MYCBP2: variants seen among roughly 807,000 people sequenced by gnomAD.
MYCBP2 encodes the protein MYC binding protein 2.
MYCBP2 carries 120 observed loss-of-function variants against 525.3 expected under a neutral mutation model. The ratio of observed to expected loss-of-function variants is 0.23; its 90% CI spans 0.20 to 0.27. The LOEUF (loss-of-function observed/expected upper bound fraction) is 0.27. MYCBP2 is among the 10% of genes least tolerant of loss of function. The pLI, the probability that MYCBP2 is intolerant of heterozygous loss-of-function variation, is 1.00. For synonymous variants in MYCBP2, 1,894 were observed against 1,955.8 expected, an observed-to-expected ratio of 0.97 and a Z score of 0.83; for missense variants, 4,149 against 5,657.1, an observed-to-expected ratio of 0.73 and a Z score of 8.55.
intron 22 of MYCBP2, 70 bp from the exon 23 acceptor site, chr13:77,211,390 G>C: frequency 1.2e-6 from 1 of 800,518 alleles, no homozygotes; most frequent in Non-Finnish European, 1.6e-6. Context: ...AACCCATAAA[G>C]TAGTATTATC....
intron 52 of MYCBP2, chr13:77,129,080 G>T: frequency 5.1e-6 from 2 of 395,590 alleles, no homozygotes; most frequent in Non-Finnish European, 8.9e-6. Context: ...TTAAGCAAAG[G>T]TTTTAAAGAC....
intron 18 of MYCBP2, among the ~76,000 whole-genome samples, chr13:77,227,782 AG>A (rs1264384362): frequency 2.0e-5 from 3 of 152,216 alleles, no homozygotes; most frequent in Non-Finnish European, 4.4e-5. Flanking sequence ...GATTAAATAT[AG>A]GCATAAATCC....
chr13:77,307,363 G>A (rs1258047452), intron 1 of MYCBP2, among the ~76,000 whole-genome samples: 1 of 151,368 alleles, frequency 6.6e-6, no homozygotes, highest in East Asian at 1.9e-4. Context: ...ATTCAAAAGG[G>A]GAAAAAAGTT....
At position 77,166,442 on chromosome 13, in the gene MYCBP2, T is replaced by C. The variant is rs111642157; in HGVS notation, c.6227A>G (p.Asn2076Ser). Residue 2076 changes from asparagine to serine, a missense_variant, in exon 41 of 83, where the codon AAT (asparagine) becomes AGT (serine). Around this residue, in one of 21 missense-constraint regions of MYCBP2, gnomAD observed 692 missense variants for 852.7 expected, o/e 0.81. Transcript: ENST00000544440. ...TGTCAATTTTGGTCCATATCCTGAA[T>C]TCTGAACAGTTCTGACAGGAATCAA... ...RLLIPVRTVQ[N>S]SGYGPKLTSV... 2,018 of 1,614,030 alleles carry C rather than the reference T, an allele frequency of 1.3e-3. 12 individuals are homozygous for C. The highest frequency in any genetic ancestry group is 9.7e-3 in the Middle Eastern group (59 of 6,062).
chr13:77,203,423 A>G (rs2154271320), intron 26 of MYCBP2, among the ~76,000 whole-genome samples: 1 of 152,320 alleles, frequency 6.6e-6, no homozygotes, highest in East Asian at 1.9e-4. Flanking sequence ...AGAACATCCC[A>G]TGCTCATGGG....
At chr13:77,173,957 C>A (rs896514274) in intron 37 of MYCBP2, among the ~76,000 whole-genome samples, 2 of 152,176 alleles carry the variant, frequency 1.3e-5, no homozygotes, top group Non-Finnish European at 2.9e-5. Context: ...TGAGTACAGT[C>A]TATCTGATCA....
chr13:77,090,903 A>G (rs1304003047), intron 59 of MYCBP2, among the ~76,000 whole-genome samples: 1 of 152,184 alleles, frequency 6.6e-6, no homozygotes, highest in African/African-American at 2.4e-5. Flanking sequence ...AAATACTTAC[A>G]AAGTTATTAA....
intron 13 of MYCBP2, 152 bp downstream of exon 13, chr13:77,260,276 A>T: frequency 3.4e-6 from 2 of 581,102 alleles, no homozygotes; most frequent in South Asian, 5.5e-5. Flanking sequence ...TATGACAGAA[A>T]ATTTCTCTTT....
chr13:77,068,392 C>T (rs2040546818), intron 70 of MYCBP2, among the ~76,000 whole-genome samples, 173 bp downstream of exon 70: 1 of 126,926 alleles, frequency 7.9e-6, no homozygotes, highest in Non-Finnish European at 1.7e-5. Context: ...CTATTCTATA[C>T]TCTCACTATA....
chr13:77,220,405 A>G (rs2065382034), intron 20 of MYCBP2, among the ~76,000 whole-genome samples: 1 of 152,134 alleles, frequency 6.6e-6, no homozygotes. Flanking sequence ...GGCCAAGATC[A>G]TATAGCTACC....
At chr13:77,268,335 G>T (rs1567106307) in intron 7 of MYCBP2, among the ~76,000 whole-genome samples, 1 of 152,146 alleles carries the variant, frequency 6.6e-6, no homozygotes, top group Admixed American at 6.5e-5. Flanking sequence ...GGTGTGGTAT[G>T]CCATTGAACA....
chr13:77,155,855 A>G (rs2057151150), intron 46 of MYCBP2, among the ~76,000 whole-genome samples: 1 of 152,208 alleles, frequency 6.6e-6, no homozygotes, highest in Non-Finnish European at 1.5e-5. Context: ...AAATGTAAAG[A>G]ACAAACTCAC....
rs532282236 is a variant in MYCBP2 at position 77,138,115 on chromosome 13, G to A, written c.7659+1081C>T. Among the ~76,000 whole-genome samples the A allele has an allele frequency of 9.2e-5, 14 of 152,246 alleles. No homozygotes were observed. The South Asian group carries it at 2.5e-3, about 27-fold the overall frequency. On this transcript the variant is annotated intron_variant, in intron 52 of 82. Transcript: ENST00000544440. ...AAAATTTAGTATTTTACTTATAGAT[G>A]TATCATTGTTCAACTTAACCTCCGT...
chr13:77,294,129 T>TATATATATATATATATAC (rs1450128273), intron 2 of MYCBP2, among the ~76,000 whole-genome samples: 15 of 26,134 alleles, frequency 5.7e-4, no homozygotes, highest in Admixed American at 1.2e-3. Context: ...TATATATATA[T>TATATATATATATATATAC]ACATATATAT....
intron 5 of MYCBP2, among the ~76,000 whole-genome samples, chr13:77,271,947 T>C (rs1449276708): frequency 1.3e-5 from 2 of 152,136 alleles, no homozygotes; most frequent in African/African-American, 4.8e-5. Flanking sequence ...CTGCAAGCCA[T>C]GTTAAGGTAA....
In MYCBP2 at chr13:77,088,891, G is replaced by A; in HGVS notation, c.10666C>T (p.Leu3556Phe). The A allele has an allele frequency of 6.2e-7, 1 of 1,613,270 alleles. No homozygotes were observed. Among genetic ancestry groups the A allele is most frequent in the Non-Finnish European group, 8.5e-7 (1 of 1,179,526 alleles). Residue 3556 changes from leucine to phenylalanine, a missense_variant, in exon 61 of 83, where the codon CTT (leucine) becomes TTT (phenylalanine). Coordinates refer to ENST00000544440, the MANE Select transcript of MYCBP2 (RefSeq NM_015057.5). ...AGGGCCTGTTTCATTGCTATTTCAA[G>A]ACCTTCTAGATCATGATGTTGTATA... is the stretch of plus-strand genomic sequence containing the variant. The part of the protein sequence containing the change: ...FVIQHHDLEG[L>F]EIAMKQALRK...
intron 14 of MYCBP2, among the ~76,000 whole-genome samples, chr13:77,254,571 T>A (rs1415726949): frequency 6.6e-6 from 1 of 151,916 alleles, no homozygotes; most frequent in African/African-American, 2.4e-5. Flanking sequence ...TGTCTAATGA[T>A]CAAATCTGGG....
rs549613633 is a variant in MYCBP2 at position 77,304,590 on chromosome 13, A to G, written c.303-7916T>C. On this transcript the variant is annotated intron_variant, in intron 1 of 82. Coordinates refer to ENST00000544440, the MANE Select transcript of MYCBP2 (RefSeq NM_015057.5). Reference sequence around the variant, plus strand: ...ATGTATTATACAACTTCAAACAGCTAGAAGAGAGGATTTTGAATGGTCTCA... The same window carrying G: ...ATGTATTATACAACTTCAAACAGCTGGAAGAGAGGATTTTGAATGGTCTCA... Among the ~76,000 whole-genome samples the G allele has an allele frequency of 2.0e-5, 3 of 152,300 alleles. No homozygotes were observed. The East Asian group carries it at 5.8e-4, about 29-fold the overall frequency.
intron 32 of MYCBP2, 73 bp downstream of exon 32, chr13:77,185,030 T>C: frequency 7.4e-7 from 1 of 1,347,510 alleles, no homozygotes. Flanking sequence ...ATATGGCAAC[T>C]GCAATTTATT....
Sources: gnomAD v4.1 joint callset for allele counts (sites outside exome capture counted in the v4.1 genomes callset) on GRCh38, gnomAD v4.1.1 for gene constraint, gnomAD v4.1.1 regional missense constraint, MANE v1.5 for transcripts, NCBI Gene and HGNC (gene_info 2026-07-23, HGNC 2026-07-21) for gene names.